The following BMAL1 variants were observed in gnomAD, a reference collection of about 807,000 sequenced individuals.
The protein encoded by BMAL1 is basic helix-loop-helix ARNT like 1.
the BMAL1 span, among the ~76,000 whole-genome samples, chr11:13,317,739 A>T: frequency 6.6e-6 from 1 of 152,220 alleles, no homozygotes; most frequent in Non-Finnish European, 1.5e-5. Flanking sequence ...TCTTAATAGC[A>T]ACTACTTGAC....
chr11:13,354,563 C>A, the BMAL1 span: 4 of 1,408,644 alleles, frequency 2.8e-6, no homozygotes, highest in South Asian at 5.8e-5. Context: ...GAATAAAAAA[C>A]CCAACTCTAG....
At chr11:13,283,932 A>C in the BMAL1 span, among the ~76,000 whole-genome samples, 1 of 151,386 alleles carries the variant, frequency 6.6e-6, no homozygotes, top group Admixed American at 6.6e-5. Context: ...ACCTTTTAAC[A>C]TAACTCACTA....
At chr11:13,330,617 C>T in the BMAL1 span, among the ~76,000 whole-genome samples, 2 of 152,208 alleles carry the variant, frequency 1.3e-5, no homozygotes, top group African/African-American at 4.8e-5. Context: ...AAATTATTGG[C>T]AAGTGGGTGC....
chr11:13,317,082 G>A, the BMAL1 span, among the ~76,000 whole-genome samples: 8 of 152,182 alleles, frequency 5.3e-5, no homozygotes, highest in East Asian at 1.9e-4. Context: ...GCTTAGCACC[G>A]TGACTGGCGT....
At chr11:13,350,200 G>A in the BMAL1 span, 6 of 152,152 alleles carry the variant, frequency 3.9e-5, no homozygotes, top group Non-Finnish European at 5.9e-5. Context: ...TACCTCATGC[G>A]GTTGTTTGGC....
chr11:13,294,948 C>G, the BMAL1 span, among the ~76,000 whole-genome samples: 1 of 152,156 alleles, frequency 6.6e-6, no homozygotes, highest in Non-Finnish European at 1.5e-5. Context: ...TGCCCTTGTC[C>G]CTGTGCAGCT....
the BMAL1 span, chr11:13,380,481 C>T: frequency 1.3e-5 from 2 of 152,162 alleles, no homozygotes; most frequent in African/African-American, 4.8e-5. Context: ...TTCAGCCTGA[C>T]AAGTATTTAG....
chr11:13,314,848 C>T, the BMAL1 span, among the ~76,000 whole-genome samples: 2 of 152,050 alleles, frequency 1.3e-5, no homozygotes, highest in Non-Finnish European at 2.9e-5. Flanking sequence ...TTGTAAAGTC[C>T]CCAGTGAATA....
the BMAL1 span, among the ~76,000 whole-genome samples, chr11:13,288,139 T>A: frequency 1.3e-5 from 2 of 152,156 alleles, no homozygotes; most frequent in Non-Finnish European, 2.9e-5. Flanking sequence ...AATGGACCAG[T>A]TTGCATTCAT....
the BMAL1 span, among the ~76,000 whole-genome samples, chr11:13,316,667 A>G: frequency 2.6e-4 from 39 of 152,334 alleles, 1 homozygote; most frequent in African/African-American, 9.1e-4. Flanking sequence ...CCAGGCCTCC[A>G]GGGCTCTCTA....
At chr11:13,354,381 T>G in the BMAL1 span, 1 of 1,614,194 alleles carries the variant, frequency 6.2e-7, no homozygotes, top group Non-Finnish European at 8.5e-7. Context: ...CGACCTGCTT[T>G]CCAGCTCTCT....
At chr11:13,280,836 A>G in the BMAL1 span, among the ~76,000 whole-genome samples, 1 of 152,044 alleles carries the variant, frequency 6.6e-6, no homozygotes, top group African/African-American at 2.4e-5. Context: ...CTCTATCCCC[A>G]TCGTCCCCTC....
chr11:13,362,943 C>G, the BMAL1 span, among the ~76,000 whole-genome samples: 5 of 151,986 alleles, frequency 3.3e-5, no homozygotes, highest in Admixed American at 2.6e-4. Context: ...GGTAACAGAT[C>G]TGCAGCTGTA....
At chr11:13,371,740 A>G in the BMAL1 span, among the ~76,000 whole-genome samples, 1 of 152,100 alleles carries the variant, frequency 6.6e-6, no homozygotes, top group East Asian at 1.9e-4. Context: ...AGTACCTCCA[A>G]TTTCACTTCA....
At chr11:13,296,739 C>A in the BMAL1 span, among the ~76,000 whole-genome samples, 1 of 152,150 alleles carries the variant, frequency 6.6e-6, no homozygotes, top group African/African-American at 2.4e-5. Flanking sequence ...TTGTTTCAGC[C>A]TTGGTTTCAT....
chr11:13,301,971 T>C, the BMAL1 span, among the ~76,000 whole-genome samples: 131,871 of 152,224 alleles, frequency 0.87, 59,489 homozygotes, highest in East Asian at 1. Flanking sequence ...AGCTGTCCTG[T>C]CTCTGATTTG....
At chr11:13,379,071 C>T in the BMAL1 span, 1 of 152,204 alleles carries the variant, frequency 6.6e-6, no homozygotes, top group Non-Finnish European at 1.5e-5. Flanking sequence ...CTTACTTAAC[C>T]TCTTGCTCTC....
chr11:13,332,778 G>A, the BMAL1 span, among the ~76,000 whole-genome samples: 7 of 152,016 alleles, frequency 4.6e-5, no homozygotes, highest in Non-Finnish European at 1.0e-4. Context: ...GGGGTTGTGT[G>A]GGTGGGTCGG....
At chr11:13,353,704 G>C in the BMAL1 span, among the ~76,000 whole-genome samples, 1 of 152,120 alleles carries the variant, frequency 6.6e-6, no homozygotes, top group Non-Finnish European at 1.5e-5. Flanking sequence ...TTTAGTCCCA[G>C]CTTCCCAGCG....
Sources: allele counts gnomAD v4.1 joint callset (sites outside exome capture counted in the v4.1 genomes callset), GRCh38; gene constraint gnomAD v4.1.1; transcripts MANE v1.5; gene names NCBI Gene and HGNC (gene_info 2026-07-23, HGNC 2026-07-21).